The following COQ2 variants were observed in gnomAD, a reference collection of about 807,000 sequenced individuals.
COQ2 encodes coenzyme Q2, polyprenyltransferase.
COQ2 carries 25 observed loss-of-function variants against 35.7 expected under a neutral mutation model. The ratio of observed to expected loss-of-function variants is 0.70; its 90% CI spans 0.51 to 0.98. COQ2 has a LOEUF of 0.98. Ranked by LOEUF, COQ2 falls within the 50% of genes least tolerant of loss-of-function variation. COQ2 has a pLI of 0.00. For synonymous variants in COQ2, 206 were observed against 186.2 expected (o/e 1.11, Z -0.86); for missense variants, 488 against 473.5 (o/e 1.03, Z -0.28).
chr4:83,269,009 G>A (rs560306192), intron 5 of COQ2, among the ~76,000 whole-genome samples: 1 of 152,148 alleles, frequency 6.6e-6, no homozygotes, highest in South Asian at 2.1e-4. Context: ...AAAGCTGGGG[G>A]AGAGTTTATA....
chr4:83,278,820 T>C, intron 2 of COQ2, 128 bp downstream of exon 2: 4 of 1,079,120 alleles, frequency 3.7e-6, no homozygotes, highest in Non-Finnish European at 5.0e-6. Context: ...GATCCTGGCA[T>C]TTTCCATGCT....
intron 5 of COQ2, among the ~76,000 whole-genome samples, chr4:83,269,106 G>A (rs1734987623): frequency 6.6e-6 from 1 of 152,070 alleles, no homozygotes; most frequent in Non-Finnish European, 1.5e-5. Flanking sequence ...AATCCTTTAA[G>A]TCAATAATAC....
At chr4:83,283,902 A>T (rs756414199) in intron 1 of COQ2, 22 of 985,370 alleles carry the variant, frequency 2.2e-5, no homozygotes, top group Non-Finnish European at 2.5e-5. Context: ...TTGTAAGCTG[A>T]CAGGCAGTCC....
At position 83,267,788 on chromosome 4, in the gene COQ2, G is replaced by A; in HGVS notation, c.763-14C>T. On this transcript the variant is annotated splice_polypyrimidine_tract_variant and intron_variant, in intron 5 of 6. Transcript: ENST00000647002. ...ATCTCTTTTGTCCTAATATCAGAAA[G>A]AAAAATAAACTGTTTTTTGAGATTT... 1.3e-6 allele frequency: 2 copies of A among 1,524,634 alleles called. No homozygotes were observed. Among genetic ancestry groups the A allele is most frequent in the African/African-American group, 1.4e-5 (1 of 71,736 alleles). 94.4% of individuals were successfully genotyped at this position (1,524,634 alleles called of 1,614,324 possible). A position where few individuals can be genotyped will look rare whatever the true frequency, so the allele number is the denominator to read the frequency against.
rs186660515 is a variant in COQ2, at chr4:83,283,684, T to C, written c.253+828A>G. On this transcript the variant is annotated intron_variant, in intron 1 of 6. Transcript: ENST00000647002. ...GTTCCTTGAAAGCAAAGGGTTTCCA[T>C]AGCTTTTTCTATCTCTATGGCCGGA... 2.9e-5 allele frequency: 29 copies of C among 985,458 alleles called. No individual in the cohort carries two copies. The East Asian group carries it at 2.4e-3, about 81-fold the overall frequency. The allele number at this position is 985,458 out of a possible 1,614,324, so 61.0% of individuals were successfully genotyped here. A position where few individuals can be genotyped will look rare whatever the true frequency, so the allele number is the denominator to read the frequency against.
At chr4:83,283,471 T>C (rs1352333413) in intron 1 of COQ2, 18 of 985,342 alleles carry the variant, frequency 1.8e-5, no homozygotes, top group African/African-American at 3.5e-5. Context: ...CAAAAGTACT[T>C]CCCGCACTAA....
intron 6 of COQ2, among the ~76,000 whole-genome samples, chr4:83,265,356 G>A (rs970158205): frequency 6.6e-6 from 1 of 152,136 alleles, no homozygotes; most frequent in African/African-American, 2.4e-5. Context: ...GATCACTTAA[G>A]GCCAAGAGTT....
At chr4:83,280,843 C>T (rs1339919852) in intron 1 of COQ2, among the ~76,000 whole-genome samples, 1 of 152,222 alleles carries the variant, frequency 6.6e-6, no homozygotes, top group Non-Finnish European at 1.5e-5. Context: ...GTGCACTCCA[C>T]AGTAACAATG....
At chr4:83,269,832 C>A in intron 5 of COQ2, 28 bp downstream of exon 5, 1 of 1,503,180 alleles carries the variant, frequency 6.7e-7, no homozygotes. Flanking sequence ...ACAACTAAAC[C>A]AAAGTTAAGA....
Position 83,284,445 on chromosome 4 carries a change from G to T in COQ2, c.253+67C>A. The T allele has an allele frequency of 2.0e-6, 3 of 1,496,436 alleles. No homozygotes were observed. The South Asian group carries it at 3.8e-5, about 19-fold the overall frequency. The allele number at this position is 1,496,436 out of a possible 1,614,324, so 92.7% of individuals were successfully genotyped here. A position where few individuals can be genotyped will look rare whatever the true frequency, so the allele number is the denominator to read the frequency against. ...ACGCCCCGGCCGGCCGCCGCGGACA[G>T]CTCCGCGGAGCCGACTCGGAGGCTG... On this transcript the variant is annotated intron_variant, in intron 1 of 6. Transcript: ENST00000647002.
At chr4:83,271,434 T>G (rs75528392) in intron 4 of COQ2, among the ~76,000 whole-genome samples, 1,537 of 152,152 alleles carry the variant, frequency 0.01, 33 homozygotes, top group African/African-American at 0.035. Context: ...TGCCACAGAG[T>G]GCTTCCTACC....
At chr4:83,285,049 G>A (rs570512081), upstream of COQ2, 56 of 635,254 alleles carry the variant, frequency 8.8e-5, 1 homozygote, top group South Asian at 5.2e-4. Flanking sequence ...CCATTATCGG[G>A]CAACACTCAG....
At chr4:83,276,258 CTTG>C (rs1049662136) in intron 2 of COQ2, among the ~76,000 whole-genome samples, 3 of 151,368 alleles carry the variant, frequency 2.0e-5, no homozygotes, top group East Asian at 1.9e-4. Flanking sequence ...TTATTTTTTT[CTTG>C]TTGTTTGAGC....
intron 4 of COQ2, among the ~76,000 whole-genome samples, chr4:83,271,622 G>A (rs957908302): frequency 1.3e-5 from 2 of 152,182 alleles, no homozygotes; most frequent in Admixed American, 1.3e-4. Context: ...AGACCAGCCT[G>A]GGCAACATGG....
intron 6 of COQ2, among the ~76,000 whole-genome samples, 171 bp from the exon 7 acceptor site, chr4:83,264,534 G>C (rs71613155): frequency 1.3e-5 from 2 of 152,152 alleles, no homozygotes; most frequent in African/African-American, 4.8e-5. Context: ...CTACTCAAGA[G>C]GCTGAGGTGG....
chr4:83,270,797 A>G (rs1735030682), intron 4 of COQ2, among the ~76,000 whole-genome samples: 1 of 152,154 alleles, frequency 6.6e-6, no homozygotes, highest in African/African-American at 2.4e-5. Context: ...AGGGTGTTTT[A>G]GTCATTTTTA....
At chr4:83,265,075 G>T (rs1734880618) in intron 6 of COQ2, among the ~76,000 whole-genome samples, 1 of 152,200 alleles carries the variant, frequency 6.6e-6, no homozygotes, top group African/African-American at 2.4e-5. Flanking sequence ...TAAATCTGTT[G>T]CTAGTAATCT....
intron 5 of COQ2, 88 bp downstream of exon 5, chr4:83,269,772 A>G (rs888987417): frequency 5.7e-5 from 67 of 1,173,736 alleles, no homozygotes; most frequent in Non-Finnish European, 7.5e-5. Flanking sequence ...AACAACAACA[A>G]ATTTTAGAAA....
At chr4:83,279,369 G>T (rs947929593) in intron 1 of COQ2, among the ~76,000 whole-genome samples, 4 of 151,960 alleles carry the variant, frequency 2.6e-5, no homozygotes, top group South Asian at 2.1e-4. Context: ...AATACAAATG[G>T]CTCTTATACA....
Sources: allele counts gnomAD v4.1 joint callset (sites outside exome capture counted in the v4.1 genomes callset), GRCh38; gene constraint gnomAD v4.1.1; transcripts MANE v1.5; gene names NCBI Gene and HGNC (gene_info 2026-07-23, HGNC 2026-07-21).